The following ARSB variants were observed in gnomAD, a reference collection of about 807,000 sequenced individuals.
ARSB encodes N-acetylgalactosamine-4-sulfatase.
A neutral mutation model predicts 50.9 loss-of-function variants in ARSB; 41 were observed. The observed-to-expected ratio is 0.81, with a 90% CI of 0.63 to 1.04. The LOEUF is 1.04. Ranked by LOEUF, ARSB falls within the 50% of genes least tolerant of loss-of-function variation. The pLI is 0.00. For synonymous variants in ARSB, 269 were observed against 284.8 expected, an observed-to-expected ratio of 0.94 and a Z score of 0.56; for missense variants, 672 against 693.3, an observed-to-expected ratio of 0.97 and a Z score of 0.35.
At position 78,948,195 on chromosome 5, in the gene ARSB, TTAGA is replaced by T. The variant is rs922483230; in HGVS notation, c.898+7096_898+7099del. ...ATGGTTAATGGGTACACAAATATAC[TTAGA>T]TAGAATGAATAAGAGCTAGTATTTA... On this transcript the variant is annotated intron_variant, in intron 4 of 7. Coordinates refer to ENST00000264914, the MANE Select transcript of ARSB (RefSeq NM_000046.5). 3.2e-4 allele frequency among the ~76,000 whole-genome samples: 48 copies of T among 152,204 alleles called. No homozygotes were observed. The Middle Eastern group carries it at 0.014, about 43-fold the overall frequency.
At chr5:78,893,286 T>C (rs749833030) in intron 4 of ARSB, among the ~76,000 whole-genome samples, 2 of 152,192 alleles carry the variant, frequency 1.3e-5, no homozygotes, top group Non-Finnish European at 2.9e-5. Context: ...TTACCCAGTC[T>C]TGGGTATGTC....
intron 6 of ARSB, among the ~76,000 whole-genome samples, chr5:78,833,780 G>A (rs1744799397): frequency 6.6e-6 from 1 of 152,220 alleles, no homozygotes; most frequent in African/African-American, 2.4e-5. Flanking sequence ...TCTGGGAAAA[G>A]GGATGAAGTT....
intron 6 of ARSB, among the ~76,000 whole-genome samples, chr5:78,833,952 G>A (rs576128196): frequency 1.3e-5 from 2 of 152,266 alleles, no homozygotes; most frequent in African/African-American, 4.8e-5. Context: ...TTTTACTTAG[G>A]CACAAAAGGT....
chr5:78,917,294 A>G (rs1749597731), intron 4 of ARSB, among the ~76,000 whole-genome samples: 1 of 152,232 alleles, frequency 6.6e-6, no homozygotes, highest in Non-Finnish European at 1.5e-5. Context: ...AACTTAAGCT[A>G]AATGCATAAA....
At chr5:78,849,263 C>G (rs1448851507) in intron 5 of ARSB, among the ~76,000 whole-genome samples, 1 of 152,066 alleles carries the variant, frequency 6.6e-6, no homozygotes, top group Non-Finnish European at 1.5e-5. Context: ...GGAAGGGATC[C>G]AGTTTCAGCT....
intron 7 of ARSB, among the ~76,000 whole-genome samples, chr5:78,781,067 T>C (rs1337459965): frequency 6.6e-6 from 1 of 152,232 alleles, no homozygotes; most frequent in African/African-American, 2.4e-5. Flanking sequence ...CATCACAGCC[T>C]TAACCATCAT....
At chr5:78,903,744 G>A (rs975146278) in intron 4 of ARSB, among the ~76,000 whole-genome samples, 1 of 152,052 alleles carries the variant, frequency 6.6e-6, no homozygotes, top group Non-Finnish European at 1.5e-5. Flanking sequence ...GAATCAAATG[G>A]AAAATGACTT....
chr5:78,813,644 C>G (rs1743892129), intron 6 of ARSB, among the ~76,000 whole-genome samples: 1 of 151,930 alleles, frequency 6.6e-6, no homozygotes, highest in South Asian at 2.1e-4. Context: ...GTGGTCCCAG[C>G]TATTCAGGAG....
At chr5:78,839,656 T>C (rs1745109284) in intron 5 of ARSB, among the ~76,000 whole-genome samples, 2 of 152,212 alleles carry the variant, frequency 1.3e-5, no homozygotes, top group South Asian at 4.1e-4. Context: ...CATATGAAGA[T>C]ATTTTAAAAA....
intron 4 of ARSB, among the ~76,000 whole-genome samples, chr5:78,927,146 G>A (rs2112373260): frequency 6.6e-6 from 1 of 152,246 alleles, no homozygotes; most frequent in South Asian, 2.1e-4. Context: ...TTGCAGGCGT[G>A]AGCCACCACG....
At chr5:78,981,341 C>T (rs1202051861) in intron 1 of ARSB, among the ~76,000 whole-genome samples, 1 of 152,152 alleles carries the variant, frequency 6.6e-6, no homozygotes, top group East Asian at 1.9e-4. Context: ...AGTCCCTACA[C>T]ATATTTCACC....
chr5:78,834,461 T>G (rs1744841739), intron 6 of ARSB, among the ~76,000 whole-genome samples: 1 of 151,744 alleles, frequency 6.6e-6, no homozygotes, highest in Non-Finnish European at 1.5e-5. Flanking sequence ...TCTGACCACT[T>G]TAGGTACCTC....
chr5:78,966,122 T>C (rs1249989550), intron 2 of ARSB, among the ~76,000 whole-genome samples: 1 of 152,224 alleles, frequency 6.6e-6, no homozygotes, highest in East Asian at 1.9e-4. Context: ...TGTGAGCTGC[T>C]TTCTATCAGT....
intron 5 of ARSB, among the ~76,000 whole-genome samples, chr5:78,844,478 C>T (rs963125637): frequency 6.6e-6 from 1 of 152,038 alleles, no homozygotes; most frequent in Non-Finnish European, 1.5e-5. Context: ...ATATTTTCTC[C>T]TATTCTGTGG....
At chr5:78,828,925 TGAA>T (rs1744554541) in intron 6 of ARSB, among the ~76,000 whole-genome samples, 1 of 152,160 alleles carries the variant, frequency 6.6e-6, no homozygotes, top group Admixed American at 6.5e-5. Flanking sequence ...CCAGAAAAGT[TGAA>T]GAAGGAGGCA....
At chr5:78,885,513 T>C in intron 5 of ARSB, 71 bp downstream of exon 5, 2 of 1,587,504 alleles carry the variant, frequency 1.3e-6, no homozygotes, top group Non-Finnish European at 1.7e-6. Context: ...AAAGCTATCA[T>C]TCTTGCTCAA....
intron 5 of ARSB, among the ~76,000 whole-genome samples, chr5:78,844,174 G>A (rs1442274443): frequency 6.6e-6 from 1 of 152,144 alleles, no homozygotes; most frequent in Admixed American, 6.5e-5. Context: ...CCAGGAATAA[G>A]TGCTTCAATT....
chr5:78,780,956 G>C (rs1748907869), intron 7 of ARSB, among the ~76,000 whole-genome samples: 2 of 152,230 alleles, frequency 1.3e-5, no homozygotes, highest in South Asian at 4.1e-4. Flanking sequence ...GCATGAGCTA[G>C]TGATGCTAAA....
intron 6 of ARSB, among the ~76,000 whole-genome samples, chr5:78,796,789 G>C (rs1252033177): frequency 6.6e-6 from 1 of 152,022 alleles, no homozygotes; most frequent in East Asian, 1.9e-4. Context: ...GAGTAGCTGG[G>C]ACTACAGGCA....
Sources: allele counts gnomAD v4.1 joint callset (sites outside exome capture counted in the v4.1 genomes callset), GRCh38; gene constraint gnomAD v4.1.1; transcripts MANE v1.5; gene names NCBI Gene and HGNC (gene_info 2026-07-23, HGNC 2026-07-21).